ABI1: variants seen among roughly 807,000 people sequenced by gnomAD.
ABI1 encodes the protein abl interactor 1, also known as Abelson interactor 1.
Under a neutral mutation model 54.6 loss-of-function variants are expected in ABI1, and 14 were observed. The observed-to-expected ratio is 0.26, with a 90% CI of 0.17 to 0.40. The LOEUF (loss-of-function observed/expected upper bound fraction) is 0.40. ABI1 is among the 10% of genes least tolerant of loss of function. The pLI, the probability that ABI1 is intolerant of heterozygous loss-of-function variation, is 1.00. For synonymous variants in ABI1, 194 were observed against 209.3 expected (o/e 0.93, Z 0.63); for missense variants, 443 against 598.3 (o/e 0.74, Z 2.71).
At chr10:26,854,686 C>T (rs375157291) in intron 1 of ABI1, among the ~76,000 whole-genome samples, 1 of 152,188 alleles carries the variant, frequency 6.6e-6, no homozygotes, top group African/African-American at 2.4e-5. Context: ...TTTACTCACA[C>T]TTCAAAGTGC....
In ABI1 at chr10:26,746,638, G is replaced by A; in HGVS notation, c.*1932C>T. Reference sequence around the variant, plus strand: ...TTTTTTTATTGCAAAAGTTTTTTCAGAAAACTTTTTAAATGTAATTAATAA... The same window carrying A: ...TTTTTTTATTGCAAAAGTTTTTTCAAAAAACTTTTTAAATGTAATTAATAA... On this transcript the variant is annotated 3_prime_UTR_variant, in exon 11 of 11. Coordinates refer to ENST00000376140, the MANE Select transcript of ABI1 (RefSeq NM_001012750.3). 1.4e-6 allele frequency: 1 copy of A among 696,808 alleles called. No individual in the cohort carries two copies. Among genetic ancestry groups the A allele is most frequent in the South Asian group, 1.7e-5 (1 of 57,226 alleles). 43.2% of individuals were successfully genotyped at this position (696,808 alleles called of 1,614,324 possible).
chr10:26,746,699 T>C lies in ABI1; in HGVS notation c.*1871A>G. ...TCTGTCATTCTAGTCCTATAAATTA[T>C]AATCAAGGTATCTTGATGGTTATAT... On this transcript the variant is annotated 3_prime_UTR_variant, in exon 11 of 11. Coordinates refer to ENST00000376140, the MANE Select transcript of ABI1 (RefSeq NM_001012750.3). 1 of 524,548 alleles carries C rather than the reference T, an allele frequency of 1.9e-6. No individual in the cohort carries two copies. The allele number at this position is 524,548 out of a possible 1,614,324, so 32.5% of individuals were successfully genotyped here.
At chr10:26,793,202 A>C (rs555112058) in intron 2 of ABI1, among the ~76,000 whole-genome samples, 2 of 152,348 alleles carry the variant, frequency 1.3e-5, no homozygotes, top group South Asian at 4.1e-4. Flanking sequence ...GGGTATAAAA[A>C]GGGCAGAAGA....
intron 9 of ABI1, among the ~76,000 whole-genome samples, chr10:26,753,517 G>A (rs567997311): frequency 1.9e-4 from 29 of 152,236 alleles, no homozygotes; most frequent in African/African-American, 6.7e-4. Flanking sequence ...AAATTATGGC[G>A]AAGGAAGTCT....
intron 2 of ABI1, among the ~76,000 whole-genome samples, chr10:26,808,686 G>A (rs759744258): frequency 2.6e-5 from 4 of 152,116 alleles, no homozygotes; most frequent in Non-Finnish European, 4.4e-5. Context: ...TCATGCCACT[G>A]CACTCCAGCC....
chr10:26,838,692 A>G (rs997281965), intron 1 of ABI1, among the ~76,000 whole-genome samples: 9 of 152,224 alleles, frequency 5.9e-5, no homozygotes, highest in Non-Finnish European at 1.2e-4. Context: ...AGAGGCCACA[A>G]AAAAGGAGAC....
At chr10:26,823,405 T>A (rs1056905096) in intron 1 of ABI1, 100 bp from the exon 2 acceptor site, 135 of 984,952 alleles carry the variant, frequency 1.4e-4, no homozygotes, top group Non-Finnish European at 1.6e-4. Context: ...CTAGAGAAAT[T>A]CAATAAAAAA....
intron 1 of ABI1, among the ~76,000 whole-genome samples, chr10:26,852,282 C>G (rs913971086): frequency 1.3e-5 from 2 of 152,056 alleles, no homozygotes; most frequent in Non-Finnish European, 2.9e-5. Context: ...GAGTTCGAGA[C>G]CAGCCTGACC....
In ABI1 at chr10:26,777,060, C is replaced by A; in HGVS notation, c.462+5G>T. 6.4e-7 allele frequency: 1 copy of A among 1,569,260 alleles called. No individual in the cohort carries two copies. Among genetic ancestry groups the A allele is most frequent in the Non-Finnish European group, 8.6e-7 (1 of 1,163,480 alleles). ...TAGCTTGTTAATGTAATATAAAATG[C>A]TTACCTTGACACCATGGCCCACATC... On this transcript the variant is annotated splice_donor_5th_base_variant and intron_variant, in intron 3 of 10. Coordinates refer to ENST00000376140, the MANE Select transcript of ABI1 (RefSeq NM_001012750.3).
Position 26,760,842 on chromosome 10 carries a change from C to T in ABI1, c.821-1604G>A, listed in dbSNP as rs544435565. 3.0e-3 allele frequency among the ~76,000 whole-genome samples: 350 copies of T among 117,628 alleles called. 2 individuals are homozygous for T. Among genetic ancestry groups the T allele is most frequent in the African/African-American group, 0.011 (333 of 29,462 alleles). 77.2% of individuals were successfully genotyped at this position (117,628 alleles called of 152,430 possible). ...GAGATGGAGGTTGCGTGAGCCAAGACAGCACCACTGCATTCCAGCCTGAGT... is the reference window on the plus strand; with the variant it reads ...GAGATGGAGGTTGCGTGAGCCAAGATAGCACCACTGCATTCCAGCCTGAGT... On this transcript the variant is annotated intron_variant, in intron 7 of 10. Transcript: ENST00000376140.
chr10:26,775,649 T>C (rs1841305372), intron 3 of ABI1, among the ~76,000 whole-genome samples: 2 of 152,328 alleles, frequency 1.3e-5, no homozygotes, highest in Admixed American at 1.3e-4. Flanking sequence ...CACCCAAAAC[T>C]TCCTTGTAAA....
At chr10:26,820,297 TTAAA>T (rs2047887718) in intron 2 of ABI1, among the ~76,000 whole-genome samples, 1 of 152,096 alleles carries the variant, frequency 6.6e-6, no homozygotes, top group African/African-American at 2.4e-5. Flanking sequence ...ATTGTACATC[TTAAA>T]TATATATGAT....
At chr10:26,802,964 A>T (rs2046655078) in intron 2 of ABI1, among the ~76,000 whole-genome samples, 1 of 152,262 alleles carries the variant, frequency 6.6e-6, no homozygotes, top group Non-Finnish European at 1.5e-5. Context: ...GAAAGCATAG[A>T]TCAGGAAGAT....
chr10:26,782,605 C>T (rs189747126), intron 2 of ABI1, among the ~76,000 whole-genome samples: 1 of 152,128 alleles, frequency 6.6e-6, no homozygotes, highest in African/African-American at 2.4e-5. Flanking sequence ...TGCCTGTAGT[C>T]CCAGCTACTC....
chr10:26,761,284 G>A (rs1449503576), intron 7 of ABI1, among the ~76,000 whole-genome samples: 8 of 151,676 alleles, frequency 5.3e-5, no homozygotes, highest in Admixed American at 1.3e-4. Context: ...ACATTTCTCC[G>A]GCTTGTATAA....
intron 1 of ABI1, among the ~76,000 whole-genome samples, chr10:26,833,100 CACTTAAGCA>C (rs2048793362): frequency 6.6e-6 from 1 of 152,174 alleles, no homozygotes; most frequent in African/African-American, 2.4e-5. Context: ...TACCACCTCC[CACTTAAGCA>C]ACTACTAAGA....
chr10:26,856,870 C>G (rs930048623), intron 1 of ABI1, among the ~76,000 whole-genome samples: 14 of 152,160 alleles, frequency 9.2e-5, no homozygotes. Context: ...GTTCCCATAA[C>G]AAAGGCAGTA....
intron 8 of ABI1, among the ~76,000 whole-genome samples, chr10:26,757,750 C>A (rs1255020418): frequency 6.6e-6 from 1 of 152,090 alleles, no homozygotes; most frequent in African/African-American, 2.4e-5. Flanking sequence ...TTTGCTATAA[C>A]ATAATTTATG....
At chr10:26,804,488 GAAAGGCAATATATCA>G (rs1253485027) in intron 2 of ABI1, among the ~76,000 whole-genome samples, 3 of 152,060 alleles carry the variant, frequency 2.0e-5, no homozygotes, top group African/African-American at 7.2e-5. Context: ...TGACAACAGA[GAAAGGCAATATATCA>G]AAAGGCATGG....
Sources: allele counts gnomAD v4.1 joint callset (sites outside exome capture counted in the v4.1 genomes callset), GRCh38; gene constraint gnomAD v4.1.1; transcripts MANE v1.5; gene names NCBI Gene and HGNC (gene_info 2026-07-23, HGNC 2026-07-21).